FCRL6: variants seen among roughly 807,000 people sequenced by gnomAD.
FCRL6 encodes Fc receptor-like protein 6.
Under a neutral mutation model 49.1 loss-of-function variants are expected in FCRL6, and 50 were observed. That is an observed-to-expected ratio of 1.02 (90% CI 0.81 to 1.29). The LOEUF (loss-of-function observed/expected upper bound fraction) is 1.29. Among genes scored for constraint, FCRL6 ranks in the 50% most tolerant of loss-of-function variants. The pLI, the probability that FCRL6 is intolerant of heterozygous loss-of-function variation, is 0.00. For synonymous variants in FCRL6, 213 were observed against 199.6 expected, an observed-to-expected ratio of 1.07 and a Z score of -0.57; for missense variants, 571 against 518.5, an observed-to-expected ratio of 1.10 and a Z score of -0.98.
In FCRL6 at chr1:159,815,791, C is replaced by T; in HGVS notation, c.*130C>T. 3 of 1,178,758 alleles carry T rather than the reference C, an allele frequency of 2.5e-6. No homozygotes were observed. The highest frequency in any genetic ancestry group is 2.4e-6 in the Non-Finnish European group (2 of 835,918). 73.0% of individuals were successfully genotyped at this position (1,178,758 alleles called of 1,614,324 possible). On this transcript the variant is annotated 3_prime_UTR_variant, in exon 10 of 10. Coordinates refer to ENST00000368106, the MANE Select transcript of FCRL6 (RefSeq NM_001004310.3). ...CCAGCATCACAGAGCCCCCTGAGCCCTTGTCCTGGTCAGGAGCACCTGAAC... is the reference window on the plus strand; with the variant it reads ...CCAGCATCACAGAGCCCCCTGAGCCTTTGTCCTGGTCAGGAGCACCTGAAC...
chr1:159,803,760 G>T (rs532292195), intron 1 of FCRL6, among the ~76,000 whole-genome samples: 6 of 152,182 alleles, frequency 3.9e-5, no homozygotes, highest in Admixed American at 3.9e-4. Context: ...CCGGCTGACT[G>T]GTGCACAGTG....
At position 159,814,228 on chromosome 1, in the gene FCRL6, C is replaced by G; in HGVS notation, c.1083C>G (p.His361Gln). The G allele has an allele frequency of 6.2e-7, 1 of 1,613,966 alleles. No individual in the cohort carries two copies. Among genetic ancestry groups the G allele is most frequent in the Non-Finnish European group, 8.5e-7 (1 of 1,179,848 alleles). ...EQCPLYANVHHQKGKDEGVVY... is the reference protein window; with the variant it reads ...EQCPLYANVHQQKGKDEGVVY... ...CCTCATTCCTTCTTCCAGTGCATCA[C>G]CAGAAAGGGAAAGATGAAGGTGTTG... Residue 361 changes from histidine to glutamine, a missense_variant, in exon 8 of 10, where the codon CAC (histidine) becomes CAG (glutamine). Transcript: ENST00000368106.
rs770699197 is a variant in FCRL6 at position 159,809,666 on chromosome 1, A to G, written c.869A>G (p.Lys290Arg). The G allele has an allele frequency of 1.9e-6, 3 of 1,613,936 alleles. No individual in the cohort carries two copies. The highest frequency in any genetic ancestry group is 2.2e-5 in the South Asian group (2 of 91,096). Residue 290 changes from lysine to arginine, a missense_variant, in exon 5 of 10, where the codon AAG becomes AGG. Physicochemically the swap from Lys to Arg is conservative, Grantham distance 26. Transcript: ENST00000368106. ...GTCTCCAGAGAGAGGAGTGAGCCCA[A>G]GAAGCTGTCTCTGAAGGGTGTGTTT... The part of the protein sequence containing the change: ...NSVSRERSEP[K>R]KLSLKGSQVL...
intron 7 of FCRL6, 113 bp downstream of exon 7, chr1:159,813,667 G>T: frequency 1.1e-6 from 1 of 919,898 alleles, no homozygotes. Context: ...GGAGTGATCT[G>T]GGGAAGGAAA....
chr1:159,815,679 C>A lies in FCRL6; in HGVS notation c.*18C>A. The stretch of plus-strand genomic sequence containing the variant: ...TCTGCTAGTGATGGTGTTCTCCTAT[C>A]AACACACGCCCACCCCCAGTCTCCA... On this transcript the variant is annotated 3_prime_UTR_variant, in exon 10 of 10. Coordinates refer to ENST00000368106, the MANE Select transcript of FCRL6 (RefSeq NM_001004310.3). The A allele has an allele frequency of 1.2e-6, 2 of 1,613,592 alleles. No individual in the cohort carries two copies. The highest frequency in any genetic ancestry group is 2.7e-5 in the African/African-American group (2 of 75,028).
Position 159,810,125 on chromosome 1 carries a change from C to T in FCRL6, c.918C>T (p.Asn306=), listed in dbSNP as rs1488661899. ...AAGTCTTGTTCACTCCCGCCAGCAA[C>T]TGGCTGGTTCCTTGGCTTCCTGCGA... ...GSQVLFTPAS[N]WLVPWLPASL... The change falls in exon 6 of 10, where the codon AAC becomes AAT. Residue 306 remains asparagine (N), a synonymous_variant. Coordinates refer to ENST00000368106, the MANE Select transcript of FCRL6 (RefSeq NM_001004310.3). 13 of 1,613,982 alleles carry T rather than the reference C, an allele frequency of 8.1e-6. No homozygotes were observed. The highest frequency in any genetic ancestry group is 1.1e-5 in the Non-Finnish European group (13 of 1,179,942).
intron 1 of FCRL6, among the ~76,000 whole-genome samples, chr1:159,803,258 C>T (rs1414303382): frequency 1.3e-5 from 2 of 152,190 alleles, no homozygotes; most frequent in Non-Finnish European, 2.9e-5. Flanking sequence ...GCCAGTGTCA[C>T]CCCCCTTATA....
chr1:159,806,050 G>A (rs895563581), intron 1 of FCRL6, among the ~76,000 whole-genome samples: 27 of 152,324 alleles, frequency 1.8e-4, no homozygotes, highest in Non-Finnish European at 3.2e-4. Context: ...CACAGGTCTT[G>A]GGCATAGAAA....
intron 6 of FCRL6, 46 bp from the exon 7 acceptor site, chr1:159,813,443 T>C: frequency 6.5e-7 from 1 of 1,538,562 alleles, no homozygotes; most frequent in Non-Finnish European, 9.0e-7. Context: ...CTGTCCCACC[T>C]GCCCTCTAAG....
In FCRL6 at chr1:159,808,480, G is replaced by GTGC. The variant is rs1188705366; in HGVS notation, c.319+41_319+43dup. ...AGCTTGGGAGTTTGTGGGGCAGGAG[G>GTGC]TGCTGCTCAAGGGTCCCGTTTCTAG... is the stretch of plus-strand genomic sequence containing the variant. On this transcript the variant is annotated intron_variant, in intron 3 of 9. Transcript: ENST00000368106. The GTGC allele has an allele frequency of 6.2e-6, 10 of 1,613,080 alleles. No homozygotes were observed. In the African/African-American group the frequency reaches 1.3e-4, roughly 22 times the overall value.
rs149132393 is a variant in FCRL6 at position 159,815,555 on chromosome 1, C to T, written c.1199C>T (p.Ala400Val). Residue 400 changes from alanine (A) to valine (V), a missense_variant, in exon 10 of 10, where the codon GCG becomes GTG. By Grantham distance (64) the Ala-to-Val change is moderately conservative. Coordinates refer to ENST00000368106, the MANE Select transcript of FCRL6 (RefSeq NM_001004310.3). ...VGRKDSSIICAEVRCLQPSEV... is the reference protein window; with the variant it reads ...VGRKDSSIICVEVRCLQPSEV... ...CCACAGGACAGTTCTATCATCTGTG[C>T]GGAGGTGAGATGCCTGCAGCCCAGT... 2.5e-4 allele frequency: 410 copies of T among 1,614,146 alleles called. 1 individual carries two copies. Among genetic ancestry groups the T allele is most frequent in the East Asian group, 1.5e-3 (67 of 44,890 alleles).
At chr1:159,803,782 C>A (rs905977905) in intron 1 of FCRL6, among the ~76,000 whole-genome samples, 3 of 152,156 alleles carry the variant, frequency 2.0e-5, no homozygotes, top group African/African-American at 7.2e-5. Context: ...AATGGAGAAT[C>A]CAGCACCAGC....
At chr1:159,813,465 GAA>G in intron 6 of FCRL6, 22 bp from the exon 7 acceptor site, 1 of 1,609,388 alleles carries the variant, frequency 6.2e-7, no homozygotes, top group Non-Finnish European at 8.5e-7. Context: ...GACACCCAGT[GAA>G]TCATGCCCTT....
Position 159,809,683 on chromosome 1 carries a change from G to A in FCRL6, c.886G>A (p.Gly296Ser). ...RSEPKKLSLK[G>S]SQVLFTPASN... The stretch of plus-strand genomic sequence containing the variant: ...TGAGCCCAAGAAGCTGTCTCTGAAG[G>A]GTGTGTTTTGTTCTCCAACAGAGCT... Residue 296 changes from glycine (G) to serine (S), a missense_variant and splice_region_variant, in exon 5 of 10, where the codon GGT becomes AGT. Transcript: ENST00000368106. The A allele has an allele frequency of 6.2e-7, 1 of 1,613,398 alleles. No homozygotes were observed. Among genetic ancestry groups the A allele is most frequent in the Non-Finnish European group, 8.5e-7 (1 of 1,179,764 alleles).
chr1:159,815,940 T>C lies in FCRL6; in HGVS notation c.*279T>C, dbSNP rs192617624. The stretch of plus-strand genomic sequence containing the variant: ...ATAAGCCACAGATGTCTTCTTTCCA[T>C]ACAAGCATGTTAGTTCGCCCCAATA... On this transcript the variant is annotated 3_prime_UTR_variant, in exon 10 of 10. Coordinates refer to ENST00000368106, the MANE Select transcript of FCRL6 (RefSeq NM_001004310.3). 5.1e-6 allele frequency: 2 copies of C among 391,854 alleles called. No individual in the cohort carries two copies. The highest frequency in any genetic ancestry group is 4.8e-6 in the Non-Finnish European group (1 of 207,704). 24.3% of individuals were successfully genotyped at this position (391,854 alleles called of 1,614,324 possible).
rs1355440153 is a variant in FCRL6, at chr1:159,806,640, T to C, written c.52+24T>C. On this transcript the variant is annotated intron_variant, in intron 2 of 9. Coordinates refer to ENST00000368106, the MANE Select transcript of FCRL6 (RefSeq NM_001004310.3). ...TGGTAAGTTGTGTCCATGTCTCTTC[T>C]AATTCAAAGTATGTCTATGGGCCAA... The C allele has an allele frequency of 2.5e-6, 4 of 1,612,620 alleles. No individual in the cohort carries two copies. In the Admixed American group the frequency reaches 5.0e-5, roughly 20 times the overall value.
At chr1:159,814,384 A>G (rs80302193) in intron 8 of FCRL6, 92 bp downstream of exon 8, 42,875 of 883,688 alleles carry the variant, frequency 0.049, 2,649 homozygotes, top group African/African-American at 0.23. Context: ...TACCACTTTT[A>G]TCATTACTGT....
chr1:159,808,381 C>G lies in FCRL6; in HGVS notation c.256C>G (p.Gln86Glu). The G allele has an allele frequency of 6.2e-7, 1 of 1,614,174 alleles. No homozygotes were observed. The highest frequency in any genetic ancestry group is 1.1e-5 in the South Asian group (1 of 91,082). The change falls in exon 3 of 10, where the codon CAG becomes GAG. Residue 86 changes from glutamine to glutamate, a missense_variant. Gln to Glu is a conservative substitution (Grantham distance 29, BLOSUM62 2). Transcript: ENST00000368106. ...CCGTGGCCAGTACAGCTGCTCTGGG[C>G]AGGTGATGTATATTCCACAGACATT... ...QSRGQYSCSGQVMYIPQTFTQ... is the reference protein window; with the variant it reads ...QSRGQYSCSGEVMYIPQTFTQ...
chr1:159,806,236 G>T (rs1377075886), intron 1 of FCRL6, among the ~76,000 whole-genome samples: 1 of 152,220 alleles, frequency 6.6e-6, no homozygotes, highest in Non-Finnish European at 1.5e-5. Context: ...AAATTCTTTT[G>T]ATTGGAGTCC....
Sources: gnomAD v4.1 joint callset for allele counts (sites outside exome capture counted in the v4.1 genomes callset) on GRCh38, gnomAD v4.1.1 for gene constraint, MANE v1.5 for transcripts, NCBI Gene and HGNC (gene_info 2026-07-23, HGNC 2026-07-21) for gene names.